MYO18B: variants seen among roughly 807,000 people sequenced by gnomAD.
The protein encoded by MYO18B is unconventional myosin-XVIIIb.
MYO18B carries 204 observed loss-of-function variants against 273.0 expected under a neutral mutation model. The observed-to-expected ratio is 0.75, with a 90% CI of 0.67 to 0.84. MYO18B has a LOEUF of 0.84. MYO18B is among the 40% of genes least tolerant of loss of function. The pLI is 0.00. For missense variants in MYO18B, 3,212 were observed against 3,287.6 expected (o/e 0.98, Z 0.56); for synonymous variants, 1,330 against 1,305.7 (o/e 1.02, Z -0.40).
chr22:26,008,618 A>G (rs1934632497), intron 42 of MYO18B, among the ~76,000 whole-genome samples: 1 of 152,128 alleles, frequency 6.6e-6, no homozygotes, highest in African/African-American at 2.4e-5. Flanking sequence ...TGCCGCTGAT[A>G]AGTGCAAGCG....
intron 17 of MYO18B, among the ~76,000 whole-genome samples, chr22:25,838,653 A>T (rs2089979268): frequency 1.3e-5 from 2 of 152,188 alleles, no homozygotes; most frequent in African/African-American, 4.8e-5. Flanking sequence ...CATGCTGTAC[A>T]GGTTTGTAGT....
intron 42 of MYO18B, among the ~76,000 whole-genome samples, chr22:26,011,359 C>T (rs1016552672): frequency 3.9e-5 from 6 of 152,158 alleles, no homozygotes; most frequent in Admixed American, 1.3e-4. Flanking sequence ...TGGCCTAAGT[C>T]AGTCTTCTCA....
intron 14 of MYO18B, among the ~76,000 whole-genome samples, chr22:25,826,888 T>C (rs2089512111): frequency 6.6e-6 from 1 of 152,058 alleles, no homozygotes; most frequent in Admixed American, 6.6e-5. Context: ...GACGAAAACC[T>C]GTCTCTACTA....
In MYO18B at chr22:25,952,343, ATCG is replaced by A; in HGVS notation, c.5893_5895del (p.Val1965del). Reference sequence around the variant, plus strand: ...GGAACAGTCCACCGTGGATCGAGCCATCGTCAGCAGGCAGGAGGCGGTCATCTG... The same window carrying A: ...GGAACAGTCCACCGTGGATCGAGCCATCAGCAGGCAGGAGGCGGTCATCTG... On this transcript the variant is annotated inframe_deletion, in exon 38 of 44. Transcript: ENST00000335473. 1 of 1,612,514 alleles carries A rather than the reference ATCG, an allele frequency of 6.2e-7. No individual in the cohort carries two copies. Among genetic ancestry groups the A allele is most frequent in the Non-Finnish European group, 8.5e-7 (1 of 1,179,344 alleles).
chr22:25,944,970 C>G (rs9613046), intron 34 of MYO18B, among the ~76,000 whole-genome samples: 1 of 151,856 alleles, frequency 6.6e-6, no homozygotes. Context: ...CCTGGGGCCA[C>G]GTACATAAGT....
chr22:25,991,930 A>G (rs904608348), intron 39 of MYO18B, among the ~76,000 whole-genome samples: 4 of 151,974 alleles, frequency 2.6e-5, no homozygotes, highest in African/African-American at 7.2e-5. Context: ...TATCTTTGTT[A>G]TGTTCTCCCC....
chr22:25,820,683 A>G (rs921686363), intron 12 of MYO18B, among the ~76,000 whole-genome samples: 6 of 152,150 alleles, frequency 3.9e-5, no homozygotes, highest in Admixed American at 6.6e-5. Context: ...GGAACATTCA[A>G]TATCCTCCTT....
chr22:25,791,895 G>A (rs977717888), intron 11 of MYO18B, among the ~76,000 whole-genome samples: 2 of 152,228 alleles, frequency 1.3e-5, no homozygotes, highest in African/African-American at 4.8e-5. Flanking sequence ...CAGGCTCAGA[G>A]AGGTGAAGCT....
At chr22:26,032,830 A>G (rs1160806812), downstream of MYO18B, among the ~76,000 whole-genome samples, 1 of 152,068 alleles carries the variant, frequency 6.6e-6, no homozygotes, top group East Asian at 1.9e-4. Context: ...GTCTCCAAAC[A>G]CTGTCACATT....
chr22:25,817,811 A>G (rs551959451), intron 12 of MYO18B, among the ~76,000 whole-genome samples: 3 of 152,234 alleles, frequency 2.0e-5, no homozygotes, highest in Non-Finnish European at 4.4e-5. Context: ...AATTGATATG[A>G]TACAATATTC....
rs549179225 is a variant in MYO18B at position 25,842,053 on chromosome 22, C to T, written c.3209-1682C>T. Among the ~76,000 whole-genome samples, 7 of 152,304 alleles carry T rather than the reference C, an allele frequency of 4.6e-5. No homozygotes were observed. In the South Asian group the frequency reaches 6.2e-4, roughly 14 times the overall value. ...AGAAGGGTTCTGTGCTGGTAACTTC[C>T]GTTATCCTGGACAGGGGCAATCTGG... On this transcript the variant is annotated intron_variant, in intron 17 of 43. Transcript: ENST00000335473.
downstream of MYO18B, among the ~76,000 whole-genome samples, chr22:26,031,202 A>G (rs1211952531): frequency 6.6e-6 from 1 of 152,170 alleles, no homozygotes; most frequent in African/African-American, 2.4e-5. Flanking sequence ...TCCCACTAGC[A>G]TAGACTCCAT....
At chr22:25,902,516 A>C in intron 29 of MYO18B, 97 bp from the exon 30 acceptor site, 2 of 1,356,786 alleles carry the variant, frequency 1.5e-6, no homozygotes, top group Admixed American at 5.5e-5. Flanking sequence ...GTTCTTGGGA[A>C]ACTAGCGGCC....
intron 11 of MYO18B, among the ~76,000 whole-genome samples, chr22:25,794,038 A>G (rs1253561625): frequency 6.6e-6 from 1 of 151,518 alleles, no homozygotes; most frequent in Non-Finnish European, 1.5e-5. Flanking sequence ...GGTTCACGCC[A>G]TTCTCCCGCC....
At chr22:25,877,863 C>T (rs2146204738) in intron 24 of MYO18B, 96 bp from the exon 25 acceptor site, 2 of 868,078 alleles carry the variant, frequency 2.3e-6, no homozygotes, top group East Asian at 2.7e-5. Flanking sequence ...GTTTATTCCT[C>T]CTAACGGAAA....
At chr22:26,041,070 C>T in the MYO18B span, among the ~76,000 whole-genome samples, 1 of 152,212 alleles carries the variant, frequency 6.6e-6, no homozygotes, top group Non-Finnish European at 1.5e-5. Context: ...GTCCGTGGGA[C>T]TCCTGTGACC....
chr22:25,822,113 C>T (rs570758181), intron 12 of MYO18B, among the ~76,000 whole-genome samples: 10 of 152,264 alleles, frequency 6.6e-5, no homozygotes, highest in African/African-American at 2.4e-4. Flanking sequence ...ATTCTTTAAT[C>T]CCGTCTGGTT....
At chr22:26,011,270 A>G (rs1934900330) in intron 42 of MYO18B, among the ~76,000 whole-genome samples, 1 of 152,030 alleles carries the variant, frequency 6.6e-6, no homozygotes, top group African/African-American at 2.4e-5. Context: ...TCTTCTTCAC[A>G]GTTTTCACAA....
chr22:25,939,822 C>A (rs2146546972), intron 34 of MYO18B, among the ~76,000 whole-genome samples: 1 of 152,304 alleles, frequency 6.6e-6, no homozygotes, highest in South Asian at 2.1e-4. Flanking sequence ...TACCTGGGTT[C>A]ATATCCCAGC....
Sources: allele counts gnomAD v4.1 joint callset (sites outside exome capture counted in the v4.1 genomes callset), GRCh38; gene constraint gnomAD v4.1.1; transcripts MANE v1.5; gene names NCBI Gene and HGNC (gene_info 2026-07-23, HGNC 2026-07-21).